Variants in AGPAT4 observed in about 807,000 individuals in gnomAD.
AGPAT4 encodes 1-acyl-sn-glycerol-3-phosphate acyltransferase delta.
AGPAT4 carries 15 observed loss-of-function variants against 48.0 expected under a neutral mutation model. The observed-to-expected ratio is 0.31, with a 90% confidence interval of 0.21 to 0.48. The LOEUF (loss-of-function observed/expected upper bound fraction) is 0.48. Among genes scored for constraint, AGPAT4 ranks in the 20% least tolerant of loss-of-function variants. The pLI is 0.99. For missense variants in AGPAT4, 314 were observed against 482.5 expected (o/e 0.65, Z 3.27); for synonymous variants, 178 against 198.7 (o/e 0.90, Z 0.88).
Position 161,262,825 on chromosome 6 carries a change from G to A in AGPAT4, c.-90+11113C>T. On this transcript the variant is annotated intron_variant, in intron 1 of 8. Transcript: ENST00000320285. The surrounding 1 kb of genome is among the most constrained non-coding windows in gnomAD (Gnocchi z 4.9). ...ATAACTCCAGTGAAAAAAACCTCTA[G>A]GAGAACATGAGGATAACGTCATAAA... is the stretch of plus-strand genomic sequence containing the variant. Among the ~76,000 whole-genome samples the A allele has an allele frequency of 6.6e-6, 1 of 152,162 alleles. No individual in the cohort carries two copies. Among genetic ancestry groups the A allele is most frequent in the East Asian group, 1.9e-4 (1 of 5,192 alleles).
chr6:161,202,990 C>T lies in AGPAT4; in HGVS notation c.178+29046G>A, dbSNP rs1425820072. Among the ~76,000 whole-genome samples, 1 of 152,194 alleles carries T rather than the reference C, an allele frequency of 6.6e-6. No homozygotes were observed. Among genetic ancestry groups the T allele is most frequent in the Non-Finnish European group, 1.5e-5 (1 of 68,030 alleles). On this transcript the variant is annotated intron_variant, in intron 2 of 8. Coordinates refer to ENST00000320285, the MANE Select transcript of AGPAT4 (RefSeq NM_020133.3). This position sits in a 1 kb window ranked among gnomAD's most constrained non-coding sequence, Gnocchi z 5.4. ...AGATACCAGCCCTTGATTTCTGCCC[C>T]CTACTCTCGAGTCTCCCCACTGGGA...
Position 161,135,348 on chromosome 6 carries a change from A to C in AGPAT4, c.*1192T>G, listed in dbSNP as rs1779032443. 1.3e-5 allele frequency: 2 copies of C among 152,256 alleles called. No homozygotes were observed. Among genetic ancestry groups the C allele is most frequent in the South Asian group, 4.1e-4 (2 of 4,832 alleles). 9.4% of individuals were successfully genotyped at this position (152,256 alleles called of 1,614,324 possible). ...ATTTAATAGCTAGCATTTGTTCTGCAAAAATAGCACTGCTTTTAGTTTCTT... is the reference window on the plus strand; with the variant it reads ...ATTTAATAGCTAGCATTTGTTCTGCCAAAATAGCACTGCTTTTAGTTTCTT... On this transcript the variant is annotated 3_prime_UTR_variant, in exon 9 of 9. Coordinates refer to ENST00000320285, the MANE Select transcript of AGPAT4 (RefSeq NM_020133.3).
At position 161,132,519 on chromosome 6, in the gene AGPAT4, C is replaced by T. The variant is rs41267843; in HGVS notation, c.*4021G>A. 0.022 allele frequency: 3,372 copies of T among 152,592 alleles called. 70 individuals are homozygous for T. The highest frequency in any genetic ancestry group is 0.035 in the Non-Finnish European group (2,411 of 68,224). 9.5% of individuals were successfully genotyped at this position (152,592 alleles called of 1,614,324 possible). On this transcript the variant is annotated 3_prime_UTR_variant, in exon 9 of 9. Coordinates refer to ENST00000320285, the MANE Select transcript of AGPAT4 (RefSeq NM_020133.3). The stretch of plus-strand genomic sequence containing the variant: ...CAGCTCTCATGCCCTCACCTAGAAA[C>T]GCCTTCTCGGCTGAATGGCTGTTGG...
chr6:161,251,839 G>A lies in AGPAT4; in HGVS notation c.-89-19537C>T, dbSNP rs1468923292. On this transcript the variant is annotated intron_variant, in intron 1 of 8. Transcript: ENST00000320285. The surrounding 1 kb of genome is among the most constrained non-coding windows in gnomAD (Gnocchi z 4.6). Reference sequence around the variant, plus strand: ...GGAGGAACAAAAGCAGAGAGGGGGAGCAGCCATTTAGATTCTTCTAAAGGG... The same window carrying A: ...GGAGGAACAAAAGCAGAGAGGGGGAACAGCCATTTAGATTCTTCTAAAGGG... 6.6e-6 allele frequency among the ~76,000 whole-genome samples: 1 copy of A among 152,196 alleles called. No individual in the cohort carries two copies. The highest frequency in any genetic ancestry group is 2.4e-5 in the African/African-American group (1 of 41,450).
intron 2 of AGPAT4, among the ~76,000 whole-genome samples, chr6:161,172,648 A>T (rs958133914): frequency 6.6e-6 from 1 of 151,822 alleles, no homozygotes; most frequent in Admixed American, 6.6e-5. Context: ...TTTTTTATTT[A>T]TTATTATTAT....
Position 161,264,561 on chromosome 6 carries a change from C to T in AGPAT4, c.-90+9377G>A, listed in dbSNP as rs1267417973. 6.6e-6 allele frequency among the ~76,000 whole-genome samples: 1 copy of T among 152,216 alleles called. No individual in the cohort carries two copies. The highest frequency in any genetic ancestry group is 2.4e-5 in the African/African-American group (1 of 41,458). ...AGGTGGTCCCCCTGGCGTGCCCGCGCATCCCTGCCCTGCAAGTCTTATCCA... is the reference window on the plus strand; with the variant it reads ...AGGTGGTCCCCCTGGCGTGCCCGCGTATCCCTGCCCTGCAAGTCTTATCCA... On this transcript the variant is annotated intron_variant, in intron 1 of 8. Coordinates refer to ENST00000320285, the MANE Select transcript of AGPAT4 (RefSeq NM_020133.3). This position sits in a 1 kb window ranked among gnomAD's most constrained non-coding sequence, Gnocchi z 6.8.
At chr6:161,194,558 A>G (rs1781013320) in intron 2 of AGPAT4, among the ~76,000 whole-genome samples, 1 of 149,050 alleles carries the variant, frequency 6.7e-6, no homozygotes, top group Non-Finnish European at 1.5e-5. Context: ...GTATGTGTGC[A>G]TGTGTGTATG....
intron 1 of AGPAT4, among the ~76,000 whole-genome samples, chr6:161,271,809 G>A (rs1334658090): frequency 2.0e-5 from 3 of 152,144 alleles, no homozygotes; most frequent in African/African-American, 4.8e-5. Flanking sequence ...CAAGAGAACC[G>A]ACATCGCAGA....
Position 161,165,530 on chromosome 6 carries a change from G to T in AGPAT4, c.348+718C>A. 1 of 1,185,730 alleles carries T rather than the reference G, an allele frequency of 8.4e-7. No homozygotes were observed. The highest frequency in any genetic ancestry group is 1.1e-6 in the Non-Finnish European group (1 of 922,564). The allele number at this position is 1,185,730 out of a possible 1,614,324, so 73.5% of individuals were successfully genotyped here. ...GTGCAAACTCTTAGGACCTTTCCTA[G>T]CCCCAGACCAATGTACACTGTGTAC... On this transcript the variant is annotated intron_variant, in intron 3 of 8. Coordinates refer to ENST00000320285, the MANE Select transcript of AGPAT4 (RefSeq NM_020133.3). This position sits in a 1 kb window ranked among gnomAD's most constrained non-coding sequence, Gnocchi z 5.5.
intron 2 of AGPAT4, among the ~76,000 whole-genome samples, chr6:161,192,939 G>A (rs1780965874): frequency 6.6e-6 from 1 of 152,080 alleles, no homozygotes; most frequent in Admixed American, 6.5e-5. Context: ...TTTCTCTTCT[G>A]GTGACATTTA....
intron 2 of AGPAT4, among the ~76,000 whole-genome samples, chr6:161,193,594 A>G (rs945104400): frequency 9.2e-5 from 14 of 152,300 alleles, no homozygotes; most frequent in African/African-American, 3.4e-4. Context: ...GGGGTGATCA[A>G]CCTTCCTTTT....
intron 2 of AGPAT4, among the ~76,000 whole-genome samples, chr6:161,173,805 CT>C (rs1362445743): frequency 1.3e-5 from 2 of 152,160 alleles, no homozygotes; most frequent in Non-Finnish European, 2.9e-5. Flanking sequence ...TTTAATCCAC[CT>C]TGAATTAATT....
intron 2 of AGPAT4, among the ~76,000 whole-genome samples, chr6:161,183,890 G>A (rs919935922): frequency 1.3e-5 from 2 of 151,626 alleles, no homozygotes; most frequent in African/African-American, 4.8e-5. Flanking sequence ...TTCAAGGACA[G>A]CAAGGAGGCC....
rs986746606 is a variant in AGPAT4 at position 161,219,499 on chromosome 6, G to A, written c.178+12537C>T. On this transcript the variant is annotated intron_variant, in intron 2 of 8. Transcript: ENST00000320285. This position sits in a 1 kb window ranked among gnomAD's most constrained non-coding sequence, Gnocchi z 4.9. ...CCACTGCACCATGAAGACCACACAC[G>A]ATCGCCTTATAACCTTACAAGACAC... Among the ~76,000 whole-genome samples the A allele has an allele frequency of 6.6e-6, 1 of 151,838 alleles. No individual in the cohort carries two copies. Among genetic ancestry groups the A allele is most frequent in the East Asian group, 1.9e-4 (1 of 5,176 alleles).
At chr6:161,273,727 T>C (rs1376609505) in intron 1 of AGPAT4, among the ~76,000 whole-genome samples, 19 of 151,704 alleles carry the variant, frequency 1.3e-4, no homozygotes, top group Non-Finnish European at 2.9e-5. Context: ...GGTCCTTTTG[T>C]ACCAGCAGAG....
chr6:161,148,879 C>T lies in AGPAT4; in HGVS notation c.767+308G>A, dbSNP rs1451147953. On this transcript the variant is annotated intron_variant, in intron 6 of 8. Coordinates refer to ENST00000320285, the MANE Select transcript of AGPAT4 (RefSeq NM_020133.3). The surrounding 1 kb of genome is among the most constrained non-coding windows in gnomAD (Gnocchi z 5.5). ...TTCCATACAGCAGACCCATCGCCCACGAAAAGGGTCAATAACATATTCTCT... is the reference window on the plus strand; with the variant it reads ...TTCCATACAGCAGACCCATCGCCCATGAAAAGGGTCAATAACATATTCTCT... 2.6e-5 allele frequency among the ~76,000 whole-genome samples: 4 copies of T among 152,140 alleles called. No individual in the cohort carries two copies. The highest frequency in any genetic ancestry group is 6.5e-5 in the Admixed American group (1 of 15,276).
intron 1 of AGPAT4, among the ~76,000 whole-genome samples, chr6:161,248,742 T>C (rs1275051500): frequency 6.6e-6 from 1 of 152,186 alleles, no homozygotes; most frequent in Non-Finnish European, 1.5e-5. Context: ...GTGTGCATAC[T>C]GCCCAAAGTA....
rs532519278 is a variant in AGPAT4 at position 161,217,277 on chromosome 6, C to T, written c.178+14759G>A. On this transcript the variant is annotated intron_variant, in intron 2 of 8. Transcript: ENST00000320285. The surrounding 1 kb of genome is among the most constrained non-coding windows in gnomAD (Gnocchi z 4.9). ...CTAGCCTTGGGTCAGAACTGGGCTCCCATCAATGCCTGGTACATGGTAACA... is the reference window on the plus strand; with the variant it reads ...CTAGCCTTGGGTCAGAACTGGGCTCTCATCAATGCCTGGTACATGGTAACA... Among the ~76,000 whole-genome samples the T allele has an allele frequency of 1.3e-5, 2 of 152,244 alleles. No homozygotes were observed. Among genetic ancestry groups the T allele is most frequent in the Admixed American group, 6.5e-5 (1 of 15,290 alleles).
chr6:161,257,643 C>T (rs1029232349), intron 1 of AGPAT4, among the ~76,000 whole-genome samples: 1 of 151,018 alleles, frequency 6.6e-6, no homozygotes, highest in African/African-American at 2.4e-5. Flanking sequence ...AATCCAACAT[C>T]AAAAAAATGA....
Sources: gnomAD v4.1 joint callset for allele counts (sites outside exome capture counted in the v4.1 genomes callset) on GRCh38, gnomAD v4.1.1 for gene constraint, Gnocchi (gnomAD v3.1) non-coding constraint, MANE v1.5 for transcripts, NCBI Gene and HGNC (gene_info 2026-07-23, HGNC 2026-07-21) for gene names.